KCNT2: variants seen among roughly 807,000 people sequenced by gnomAD.
KCNT2 encodes the protein potassium channel subfamily T member 2.
KCNT2 carries 67 observed loss-of-function variants against 153.8 expected under a neutral mutation model. That is an observed-to-expected ratio of 0.44 (90% CI 0.36 to 0.53). KCNT2 has a LOEUF of 0.53. Ranked by LOEUF, KCNT2 falls within the 20% of genes least tolerant of loss-of-function variation. KCNT2 has a pLI of 0.00. For synonymous variants in KCNT2, 500 were observed against 458.8 expected, an observed-to-expected ratio of 1.09 and a Z score of -1.15; for missense variants, 975 against 1,354.8, an observed-to-expected ratio of 0.72 and a Z score of 4.40.
chr1:196,233,324 T>C lies in KCNT2; in HGVS notation c.3296+2662A>G, dbSNP rs530625744. Among the ~76,000 whole-genome samples, 13 of 151,586 alleles carry C rather than the reference T, an allele frequency of 8.6e-5. No individual in the cohort carries two copies. In the South Asian group the frequency reaches 2.1e-3, roughly 24 times the overall value. On this transcript the variant is annotated intron_variant, in intron 27 of 27. Coordinates refer to ENST00000294725, the MANE Select transcript of KCNT2 (RefSeq NM_198503.5). ...CAAAATAAAGCAATATTATACTTGA[T>C]AGTTCTATCTTAGGTGCATTTTAGG...
At chr1:196,489,057 T>C (rs946900505) in intron 3 of KCNT2, among the ~76,000 whole-genome samples, 1 of 151,656 alleles carries the variant, frequency 6.6e-6, no homozygotes, top group African/African-American at 2.4e-5. Flanking sequence ...GTCAAAAAAG[T>C]GTGGGTTGTG....
intron 5 of KCNT2, among the ~76,000 whole-genome samples, chr1:196,476,514 T>C (rs1477781450): frequency 2.0e-5 from 3 of 152,148 alleles, no homozygotes; most frequent in Admixed American, 2.0e-4. Flanking sequence ...TCTTCATCTA[T>C]ATTGCTTATT....
chr1:196,354,181 T>C (rs866379220), intron 14 of KCNT2, among the ~76,000 whole-genome samples: 6 of 151,824 alleles, frequency 4.0e-5, no homozygotes, highest in South Asian at 2.1e-4. Context: ...AAGAAAAGCC[T>C]TGGTGTTATG....
At chr1:196,428,331 A>C in intron 9 of KCNT2, 62 bp from the exon 10 acceptor site, 1 of 1,158,860 alleles carries the variant, frequency 8.6e-7, no homozygotes, top group Non-Finnish European at 1.3e-6. Context: ...AATCAATGCA[A>C]TACATCTATT....
chr1:196,272,847 A>G (rs1658196323), intron 25 of KCNT2, among the ~76,000 whole-genome samples: 3 of 151,890 alleles, frequency 2.0e-5, no homozygotes, highest in Non-Finnish European at 4.4e-5. Context: ...AAATGGGAAG[A>G]TGATGGTTAA....
chr1:196,316,231 A>T (rs895592735), intron 20 of KCNT2, among the ~76,000 whole-genome samples: 1 of 151,698 alleles, frequency 6.6e-6, no homozygotes, highest in African/African-American at 2.4e-5. Context: ...GGTACTTTAC[A>T]TGTCATTAGA....
chr1:196,515,477 C>G (rs1681972777), intron 1 of KCNT2, among the ~76,000 whole-genome samples: 1 of 152,150 alleles, frequency 6.6e-6, no homozygotes, highest in African/African-American at 2.4e-5. Flanking sequence ...ATTGACTTAA[C>G]ATTAACAAGG....
At chr1:196,526,624 T>C (rs1654249101) in intron 1 of KCNT2, among the ~76,000 whole-genome samples, 1 of 152,094 alleles carries the variant, frequency 6.6e-6, no homozygotes, top group South Asian at 2.1e-4. Context: ...AGCTAATTTT[T>C]GTATTTTTAG....
intron 1 of KCNT2, among the ~76,000 whole-genome samples, chr1:196,602,180 CGCTAAACATTAAATATTGCTCAGAAAAAG>C (rs1558126419): frequency 1.3e-5 from 2 of 151,952 alleles, no homozygotes; most frequent in African/African-American, 4.8e-5. Flanking sequence ...TGAAGGATAC[CGCTAAACATTAAATATTGCTCAGAAAAAG>C]GCCAAGTGAA....
intron 5 of KCNT2, among the ~76,000 whole-genome samples, chr1:196,470,341 C>T (rs956176910): frequency 2.0e-5 from 3 of 152,162 alleles, no homozygotes; most frequent in African/African-American, 7.2e-5. Context: ...TGGATAATAA[C>T]AGGACACAAT....
At chr1:196,240,661 A>T (rs1654869582) in intron 26 of KCNT2, among the ~76,000 whole-genome samples, 1 of 152,000 alleles carries the variant, frequency 6.6e-6, no homozygotes, top group African/African-American at 2.4e-5. Flanking sequence ...GGCACCAGGG[A>T]ATGGACTAAA....
chr1:196,334,483 C>CTTTTTTT (rs757677685), intron 16 of KCNT2, among the ~76,000 whole-genome samples: 3 of 42,340 alleles, frequency 7.1e-5, no homozygotes, highest in Non-Finnish European at 1.2e-4. Context: ...TTCTTTCTTT[C>CTTTTTTT]TTTCTTTTTT....
At position 196,592,585 on chromosome 1, in the gene KCNT2, T is replaced by C. The variant is rs559926805; in HGVS notation, c.95+15630A>G. 3.2e-4 allele frequency among the ~76,000 whole-genome samples: 47 copies of C among 147,386 alleles called. 1 individual carries two copies. In the East Asian group the frequency reaches 7.6e-3, roughly 24 times the overall value. The stretch of plus-strand genomic sequence containing the variant: ...TTATATAGTTATAGTTTTATATAGT[T>C]AGAAAGTTATATATTAATATATGTG... On this transcript the variant is annotated intron_variant, in intron 1 of 27. Transcript: ENST00000294725.
intron 12 of KCNT2, among the ~76,000 whole-genome samples, chr1:196,403,026 G>A (rs1671549737): frequency 6.6e-6 from 1 of 151,574 alleles, no homozygotes. Context: ...ACAAAACTAA[G>A]TATACCCTAA....
intron 12 of KCNT2, among the ~76,000 whole-genome samples, chr1:196,413,795 A>T (rs143461023): frequency 1.4e-3 from 213 of 151,706 alleles, no homozygotes; most frequent in African/African-American, 5.0e-3. Context: ...ATAGACACAC[A>T]TTTATTTTTT....
intron 25 of KCNT2, among the ~76,000 whole-genome samples, chr1:196,260,442 G>A (rs1656904750): frequency 6.6e-6 from 1 of 151,706 alleles, no homozygotes. Context: ...GTATACATTA[G>A]TTAAGCAATA....
intron 19 of KCNT2, among the ~76,000 whole-genome samples, chr1:196,324,004 T>C (rs1157983506): frequency 6.6e-6 from 1 of 150,718 alleles, no homozygotes; most frequent in Non-Finnish European, 1.5e-5. Flanking sequence ...TTCCTGGACA[T>C]TGTTAATTGG....
chr1:196,438,611 C>T (rs1376087417), intron 8 of KCNT2, among the ~76,000 whole-genome samples: 2 of 151,744 alleles, frequency 1.3e-5, no homozygotes, highest in Admixed American at 6.6e-5. Flanking sequence ...AAACTGACAA[C>T]GAATTCTTGG....
At chr1:196,581,339 A>G (rs1662015247) in intron 1 of KCNT2, among the ~76,000 whole-genome samples, 1 of 152,120 alleles carries the variant, frequency 6.6e-6, no homozygotes, top group Admixed American at 6.6e-5. Flanking sequence ...CCATATGCCT[A>G]TAAATATCTA....
Sources: allele counts gnomAD v4.1 joint callset (sites outside exome capture counted in the v4.1 genomes callset), GRCh38; gene constraint gnomAD v4.1.1; transcripts MANE v1.5; gene names NCBI Gene and HGNC (gene_info 2026-07-23, HGNC 2026-07-21).